Variants in ZSWIM5 observed in about 807,000 individuals in gnomAD.
ZSWIM5 encodes zinc finger SWIM-type containing 5.
Under a neutral mutation model 119.6 loss-of-function variants are expected in ZSWIM5, and 55 were observed. That is an observed-to-expected ratio of 0.46 (90% CI 0.37 to 0.58). The LOEUF (loss-of-function observed/expected upper bound fraction) is 0.58. ZSWIM5 is among the 20% of genes least tolerant of loss of function. The probability of loss-of-function intolerance (pLI) is 0.00; values close to 1 mark genes in which losing one functional copy is unlikely to be tolerated. For missense variants in ZSWIM5, 1,193 were observed against 1,512.8 expected, an observed-to-expected ratio of 0.79 and a Z score of 3.51; for synonymous variants, 537 against 606.9, an observed-to-expected ratio of 0.88 and a Z score of 1.69.
intron 1 of ZSWIM5, among the ~76,000 whole-genome samples, chr1:45,130,062 T>TA (rs1242787318): frequency 6.6e-6 from 1 of 152,156 alleles, no homozygotes; most frequent in African/African-American, 2.4e-5. Flanking sequence ...CATGCCCGGC[T>TA]AATTTTTGTA....
In ZSWIM5 at chr1:45,088,330, T is replaced by G. The variant is rs1040791519; in HGVS notation, c.596-93A>C. 2.3e-5 allele frequency: 21 copies of G among 929,732 alleles called. No individual in the cohort carries two copies. Among genetic ancestry groups the G allele is most frequent in the Non-Finnish European group, 3.3e-5 (21 of 631,630 alleles). 57.6% of individuals were successfully genotyped at this position (929,732 alleles called of 1,614,324 possible). ...TGTAAATTCATCAATTCATAAATTATGTATTGGGTATCTCCTACACACGTA... is the reference window on the plus strand; with the variant it reads ...TGTAAATTCATCAATTCATAAATTAGGTATTGGGTATCTCCTACACACGTA... On this transcript the variant is annotated intron_variant, in intron 1 of 13. Transcript: ENST00000359600. The surrounding 1 kb of genome is among the most constrained non-coding windows in gnomAD (Gnocchi z 4.2).
chr1:45,173,216 G>A (rs1429369823), intron 1 of ZSWIM5, among the ~76,000 whole-genome samples: 2 of 152,000 alleles, frequency 1.3e-5, no homozygotes, highest in African/African-American at 4.8e-5. Context: ...TAGAGGAAAC[G>A]TTACTTTTGC....
At chr1:45,085,982 C>T (rs1462663525) in intron 2 of ZSWIM5, among the ~76,000 whole-genome samples, 1 of 152,044 alleles carries the variant, frequency 6.6e-6, no homozygotes, top group East Asian at 1.9e-4. Context: ...CATTCTTGCA[C>T]TGCTATAAAA....
At chr1:45,139,374 T>TC (rs1484001618) in intron 1 of ZSWIM5, among the ~76,000 whole-genome samples, 4 of 149,852 alleles carry the variant, frequency 2.7e-5, no homozygotes, top group Non-Finnish European at 5.9e-5. Context: ...TTCTTTTTTT[T>TC]TCTCTCTCTC....
rs755069679 is a variant in ZSWIM5, at chr1:45,058,681, G to C, written c.1180C>G (p.Pro394Ala). 2 of 1,614,162 alleles carry C rather than the reference G, an allele frequency of 1.2e-6. No homozygotes were observed. The highest frequency in any genetic ancestry group is 2.7e-5 in the African/African-American group (2 of 75,022). ...TLITEQFVAD[P>A]RLTLWRQQGT... ...TGCTGCCTCCAGAGTGTGAGTCGTG[G>C]GTCAGCCACAAACTGCTCAGTTATT... Residue 394 changes from proline to alanine, a missense_variant, in exon 4 of 14, where the codon CCA becomes GCA. Coordinates refer to ENST00000359600, the MANE Select transcript of ZSWIM5 (RefSeq NM_020883.2).
chr1:45,089,333 C>T (rs1302603765), intron 1 of ZSWIM5, among the ~76,000 whole-genome samples: 2 of 152,140 alleles, frequency 1.3e-5, no homozygotes, highest in Non-Finnish European at 2.9e-5. Flanking sequence ...ATGTATTCAT[C>T]TAATCATTAA....
At chr1:45,099,518 A>G (rs956736352) in intron 1 of ZSWIM5, among the ~76,000 whole-genome samples, 2 of 152,214 alleles carry the variant, frequency 1.3e-5, no homozygotes, top group African/African-American at 4.8e-5. Context: ...CAATCAAGAG[A>G]AAAACAGGGA....
At chr1:45,143,886 AAC>A (rs1035591347) in intron 1 of ZSWIM5, among the ~76,000 whole-genome samples, 51 of 152,110 alleles carry the variant, frequency 3.4e-4, no homozygotes, top group African/African-American at 1.2e-3. Context: ...TAAAAAAAAA[AAC>A]AATTATAATA....
chr1:45,022,495 C>T (rs189566224), intron 11 of ZSWIM5, among the ~76,000 whole-genome samples: 2 of 152,184 alleles, frequency 1.3e-5, no homozygotes, highest in Admixed American at 1.3e-4. Flanking sequence ...TAGAAAATCT[C>T]CAGGAATATT....
chr1:45,161,908 T>C (rs1645865775), intron 1 of ZSWIM5, among the ~76,000 whole-genome samples: 2 of 152,114 alleles, frequency 1.3e-5, no homozygotes, highest in Admixed American at 1.3e-4. Context: ...AAAGTGAAAA[T>C]ATTAGGAATC....
intron 1 of ZSWIM5, among the ~76,000 whole-genome samples, chr1:45,121,156 T>C (rs777663083): frequency 3.3e-5 from 5 of 152,208 alleles, no homozygotes; most frequent in Admixed American, 1.3e-4. Flanking sequence ...TTTCACCATG[T>C]TAGCCAGGAT....
chr1:45,044,604 G>A (rs1280435332), intron 5 of ZSWIM5, among the ~76,000 whole-genome samples: 8 of 127,482 alleles, frequency 6.3e-5, no homozygotes, highest in Non-Finnish European at 1.2e-4. Flanking sequence ...GGCGCCTGTA[G>A]TCCCAGCTAC....
intron 6 of ZSWIM5, among the ~76,000 whole-genome samples, chr1:45,041,683 T>C (rs904132378): frequency 3.3e-5 from 5 of 152,006 alleles, no homozygotes; most frequent in Non-Finnish European, 7.4e-5. Context: ...ATTACCGATG[T>C]GTGCCACCAC....
At chr1:45,159,610 A>T (rs1201157206) in intron 1 of ZSWIM5, among the ~76,000 whole-genome samples, 1 of 151,586 alleles carries the variant, frequency 6.6e-6, no homozygotes, top group Non-Finnish European at 1.5e-5. Flanking sequence ...TTTTTTTCAG[A>T]CTGAGTCTTA....
At chr1:45,175,377 T>C (rs1645973774) in intron 1 of ZSWIM5, among the ~76,000 whole-genome samples, 1 of 152,128 alleles carries the variant, frequency 6.6e-6, no homozygotes, top group Non-Finnish European at 1.5e-5. Context: ...TTTCCCCTTA[T>C]AATTAAAGTA....
chr1:45,191,474 C>T (rs1234104469), intron 1 of ZSWIM5, among the ~76,000 whole-genome samples: 1 of 152,184 alleles, frequency 6.6e-6, no homozygotes, highest in Non-Finnish European at 1.5e-5. Context: ...CAGGGTTATG[C>T]CTCTTCTCCC....
At chr1:45,078,434 T>C (rs1645268216) in intron 2 of ZSWIM5, among the ~76,000 whole-genome samples, 1 of 152,188 alleles carries the variant, frequency 6.6e-6, no homozygotes, top group South Asian at 2.1e-4. Context: ...ATAGAGGTAC[T>C]ACCTTGGTGG....
intron 1 of ZSWIM5, among the ~76,000 whole-genome samples, chr1:45,102,941 C>T (rs971874096): frequency 6.6e-6 from 1 of 152,106 alleles, no homozygotes; most frequent in Non-Finnish European, 1.5e-5. Flanking sequence ...CGGCTCACTG[C>T]AACTTCGACC....
Position 45,019,789 on chromosome 1 carries a change from G to A in ZSWIM5, c.2695+277C>T, listed in dbSNP as rs548044626. Among the ~76,000 whole-genome samples the A allele has an allele frequency of 6.6e-6, 1 of 152,274 alleles. No homozygotes were observed. The highest frequency in any genetic ancestry group is 2.1e-4 in the South Asian group (1 of 4,822). ...CCCACTACCTCCCAAGGGAGCACTT[G>A]AGTAGCAACTGAAAATTCATTCTCT... On this transcript the variant is annotated intron_variant, in intron 13 of 13. Coordinates refer to ENST00000359600, the MANE Select transcript of ZSWIM5 (RefSeq NM_020883.2). The surrounding 1 kb of genome is among the most constrained non-coding windows in gnomAD (Gnocchi z 5.0).
Sources: gnomAD v4.1 joint callset for allele counts (sites outside exome capture counted in the v4.1 genomes callset) on GRCh38, gnomAD v4.1.1 for gene constraint, Gnocchi (gnomAD v3.1) non-coding constraint, MANE v1.5 for transcripts, NCBI Gene and HGNC (gene_info 2026-07-23, HGNC 2026-07-21) for gene names.